The following CDH23 variants were observed in gnomAD, a reference collection of about 807,000 sequenced individuals.
The protein encoded by CDH23 is cadherin related 23, also known as cadherin-23.
CDH23 carries 189 observed loss-of-function variants against 317.1 expected under a neutral mutation model. The observed-to-expected ratio is 0.60, with a 90% CI of 0.53 to 0.67. CDH23 has a LOEUF of 0.67. Among genes scored for constraint, CDH23 ranks in the 30% least tolerant of loss-of-function variants. The probability of loss-of-function intolerance (pLI) is 0.00; values close to 1 mark genes in which losing one functional copy is unlikely to be tolerated. For synonymous variants in CDH23, 1,839 were observed against 1,876.8 expected, an observed-to-expected ratio of 0.98 and a Z score of 0.52; for missense variants, 4,401 against 4,592.4, an observed-to-expected ratio of 0.96 and a Z score of 1.20.
chr10:71,741,765 G>C lies in CDH23; in HGVS notation c.4689G>C (p.Leu1563=). Residue 1563 remains leucine, a synonymous_variant, in exon 38 of 70, where the codon CTG becomes CTC. Transcript: ENST00000224721. The stretch of plus-strand genomic sequence containing the variant: ...GTGACATCGGGATCAACAGTGTTCT[G>C]TCCTACTACATCACCGAGGGCAACA... ...TDRDIGINSV[L]SYYITEGNKD... The C allele has an allele frequency of 1.2e-6, 2 of 1,612,764 alleles. No homozygotes were observed. Among genetic ancestry groups the C allele is most frequent in the South Asian group, 2.2e-5 (2 of 90,730 alleles).
At chr10:71,725,281 G>A (rs1589376115) in intron 29 of CDH23, 91 bp from the exon 30 acceptor site, 26 of 1,581,044 alleles carry the variant, frequency 1.6e-5, no homozygotes, top group South Asian at 3.3e-5. Flanking sequence ...GGAGGGGACT[G>A]GTGAACTTCT....
chr10:71,756,559 G>T (rs1840152957), intron 38 of CDH23, among the ~76,000 whole-genome samples: 1 of 152,138 alleles, frequency 6.6e-6, no homozygotes, highest in Non-Finnish European at 1.5e-5. Context: ...TTTCTTTTAG[G>T]CTATTGCTAA....
intron 11 of CDH23, among the ~76,000 whole-genome samples, chr10:71,633,910 C>T (rs1248757052): frequency 6.6e-6 from 1 of 152,214 alleles, no homozygotes; most frequent in Non-Finnish European, 1.5e-5. Context: ...GAGAGGCAGA[C>T]TCACTCTTGG....
chr10:71,547,767 G>T (rs1024805798), intron 6 of CDH23, among the ~76,000 whole-genome samples: 6 of 152,226 alleles, frequency 3.9e-5, no homozygotes, highest in African/African-American at 1.4e-4. Context: ...TGGAGCCGGG[G>T]ACACAGTTTC....
chr10:71,584,542 C>CTGTGTGTGTGTGTGTGAG (rs1858900339), intron 9 of CDH23, among the ~76,000 whole-genome samples: 1 of 145,658 alleles, frequency 6.9e-6, no homozygotes, highest in Admixed American at 6.8e-5. Context: ...GAAGGGAAGT[C>CTGTGTGTGTGTGTGTGAG]TGTGTGTGTG....
intron 11 of CDH23, among the ~76,000 whole-genome samples, chr10:71,624,806 C>T (rs1861635643): frequency 6.6e-6 from 1 of 151,628 alleles, no homozygotes; most frequent in Non-Finnish European, 1.5e-5. Context: ...AGTCAAGGCT[C>T]AGAGGAGTTA....
At chr10:71,684,813 G>A (rs1007556444) in intron 18 of CDH23, among the ~76,000 whole-genome samples, 2 of 152,196 alleles carry the variant, frequency 1.3e-5, no homozygotes, top group African/African-American at 4.8e-5. Context: ...GTAAGAGTAA[G>A]GGAGGTCTAG....
intron 11 of CDH23, among the ~76,000 whole-genome samples, chr10:71,643,575 C>T (rs180986649): frequency 6.9e-4 from 105 of 152,122 alleles, no homozygotes; most frequent in African/African-American, 2.3e-3. Context: ...CCCTCACCTC[C>T]TCACCCTTCA....
chr10:71,629,945 T>A (rs1861923752), intron 11 of CDH23, among the ~76,000 whole-genome samples: 1 of 152,198 alleles, frequency 6.6e-6, no homozygotes, highest in South Asian at 2.1e-4. Flanking sequence ...AAATGCTGAA[T>A]TGTTCGCTCT....
In CDH23 at chr10:71,806,003, G is replaced by A. The variant is rs781211560; in HGVS notation, c.8064+6G>A. The A allele has an allele frequency of 3.1e-6, 5 of 1,604,692 alleles. No individual in the cohort carries two copies. In the South Asian group the frequency reaches 5.6e-5, roughly 18 times the overall value. Reference sequence around the variant, plus strand: ...AGTCGCAGGCGGTGTACAGCGTAAGGGCGGGGCCCGGTGCGAGGGGCGGGG... The same window carrying A: ...AGTCGCAGGCGGTGTACAGCGTAAGAGCGGGGCCCGGTGCGAGGGGCGGGG... On this transcript the variant is annotated splice_donor_region_variant and intron_variant, in intron 56 of 69. Coordinates refer to ENST00000224721, the MANE Select transcript of CDH23 (RefSeq NM_022124.6).
At chr10:71,800,109 T>C (rs888267318) in intron 52 of CDH23, among the ~76,000 whole-genome samples, 2 of 152,226 alleles carry the variant, frequency 1.3e-5, no homozygotes, top group African/African-American at 4.8e-5. Flanking sequence ...AGACCAGAAA[T>C]TCAGGAGAAA....
At chr10:71,695,040 G>A (rs117854436) in intron 21 of CDH23, among the ~76,000 whole-genome samples, 3 of 152,330 alleles carry the variant, frequency 2.0e-5, no homozygotes, top group Admixed American at 6.5e-5. Context: ...TGGCAGGTGA[G>A]CAGGGAAATT....
At chr10:71,687,206 T>G (rs1864942131) in intron 18 of CDH23, among the ~76,000 whole-genome samples, 1 of 152,170 alleles carries the variant, frequency 6.6e-6, no homozygotes, top group Non-Finnish European at 1.5e-5. Context: ...CTTCAGTATC[T>G]TTGAGGAGAG....
intron 3 of CDH23, among the ~76,000 whole-genome samples, chr10:71,497,738 G>A (rs916607070): frequency 5.3e-5 from 8 of 152,178 alleles, no homozygotes; most frequent in Non-Finnish European, 8.8e-5. Flanking sequence ...AAAGAACAGC[G>A]TATGGGGAGT....
chr10:71,716,069 C>T (rs1200998613), intron 28 of CDH23: 6 of 1,516,236 alleles, frequency 4.0e-6, no homozygotes, highest in African/African-American at 1.4e-5. Flanking sequence ...CAGGCGCTTC[C>T]AGAGCCGGAG....
chr10:71,770,439 C>T (rs201453233), intron 38 of CDH23, among the ~76,000 whole-genome samples: 137 of 113,130 alleles, frequency 1.2e-3, no homozygotes, highest in African/African-American at 3.7e-3. Flanking sequence ...AGGGGCTGTA[C>T]GGAAGCCCTG....
chr10:71,670,753 G>A (rs1192258114), intron 14 of CDH23, among the ~76,000 whole-genome samples: 1 of 152,172 alleles, frequency 6.6e-6, no homozygotes, highest in African/African-American at 2.4e-5. Flanking sequence ...GGGCAGAGAA[G>A]GACAATAATT....
intron 9 of CDH23, among the ~76,000 whole-genome samples, chr10:71,613,513 A>G (rs1861023116): frequency 1.3e-5 from 2 of 152,192 alleles, no homozygotes; most frequent in South Asian, 4.1e-4. Context: ...TGCCCAGCCC[A>G]TACAGTGGAC....
intron 6 of CDH23, among the ~76,000 whole-genome samples, chr10:71,536,421 AAT>A (rs1855705317): frequency 6.6e-6 from 1 of 152,180 alleles, no homozygotes; most frequent in Admixed American, 6.5e-5. Flanking sequence ...CAGTGGAAGG[AAT>A]AGACTGTGAG....
Sources: gnomAD v4.1 joint callset for allele counts (sites outside exome capture counted in the v4.1 genomes callset) on GRCh38, gnomAD v4.1.1 for gene constraint, MANE v1.5 for transcripts, NCBI Gene and HGNC (gene_info 2026-07-23, HGNC 2026-07-21) for gene names.